MFGE8: variants seen among roughly 807,000 people sequenced by gnomAD.
MFGE8 encodes the protein lactadherin.
In MFGE8, 34 loss-of-function variants were observed where a neutral mutation model predicts 42.6. The observed-to-expected ratio is 0.80, with a 90% CI of 0.61 to 1.06. The LOEUF is 1.06. MFGE8 is among the 50% of genes least tolerant of loss of function. MFGE8 has a pLI of 0.00. For missense variants in MFGE8, 510 were observed against 516.9 expected (o/e 0.99, Z 0.13); for synonymous variants, 230 against 214.8 (o/e 1.07, Z -0.62).
rs765818765 is a variant in MFGE8 at position 88,905,424 on chromosome 15, G to A, written c.685+333C>T. 4.8e-5 allele frequency: 25 copies of A among 517,636 alleles called. No homozygotes were observed. In the Middle Eastern group the frequency reaches 1.2e-3, roughly 24 times the overall value. 32.1% of individuals were successfully genotyped at this position (517,636 alleles called of 1,614,324 possible). A position where few individuals can be genotyped will look rare whatever the true frequency, so the allele number is the denominator to read the frequency against. On this transcript the variant is annotated intron_variant, in intron 5 of 7. Coordinates refer to ENST00000268150, the MANE Select transcript of MFGE8 (RefSeq NM_005928.4). This position sits in a 1 kb window ranked among gnomAD's most constrained non-coding sequence, Gnocchi z 6.6. ...CAAAACAGACAGATTCTCTGCCCTC[G>A]TAAAGCTGACATCTGCCAAACACAC... is the stretch of plus-strand genomic sequence containing the variant.
chr15:88,901,514 C>A, intron 6 of MFGE8, 37 bp downstream of exon 6: 2 of 1,031,784 alleles, frequency 1.9e-6, no homozygotes, highest in Non-Finnish European at 1.5e-6. Flanking sequence ...CTCATCCCAC[C>A]CAACCCCAGC....
rs948103991 is a variant in MFGE8, at chr15:88,906,088, A to G, written c.541-187T>C. The G allele has an allele frequency of 3.0e-6, 2 of 657,956 alleles. No individual in the cohort carries two copies. The highest frequency in any genetic ancestry group is 3.6e-5 in the African/African-American group (2 of 55,456). The allele number at this position is 657,956 out of a possible 1,614,324, so 40.8% of individuals were successfully genotyped here. A position where few individuals can be genotyped will look rare whatever the true frequency, so the allele number is the denominator to read the frequency against. On this transcript the variant is annotated intron_variant, in intron 4 of 7. Transcript: ENST00000268150. This position sits in a 1 kb window ranked among gnomAD's most constrained non-coding sequence, Gnocchi z 4.2. ...TTGGCCACCCCACGGCCCTCCACAA[A>G]GATTCTCCTCTCACTTTCCTTAATC...
chr15:88,912,113 A>G lies in MFGE8; in HGVS notation c.73+1134T>C, dbSNP rs576314200. The G allele has an allele frequency of 1.2e-4, 150 of 1,289,734 alleles. No individual in the cohort carries two copies. The African/African-American group carries it at 2.1e-3, about 18-fold the overall frequency. The allele number at this position is 1,289,734 out of a possible 1,614,324, so 79.9% of individuals were successfully genotyped here. ...GGAAAGGGAAAGGTGTACTCTACCC[A>G]GCCACGTTACCTGTGTGTAAGATAG... On this transcript the variant is annotated intron_variant, in intron 1 of 7. Transcript: ENST00000268150.
chr15:88,912,349 C>T (rs1234716396), intron 1 of MFGE8: 3 of 985,156 alleles, frequency 3.0e-6, no homozygotes, highest in African/African-American at 3.5e-5. Flanking sequence ...TTCCTGGGAG[C>T]TTGGAGCACT....
In MFGE8 at chr15:88,907,326, T is replaced by C. The variant is rs1898737187; in HGVS notation, c.256A>G (p.Ile86Val). The C allele has an allele frequency of 1.2e-6, 2 of 1,614,182 alleles. No individual in the cohort carries two copies. Among genetic ancestry groups the C allele is most frequent in the Non-Finnish European group, 1.7e-6 (2 of 1,180,024 alleles). ...GTCACACGCACAGACGAGGCGGCGA[T>C]CTGTGAGTTGGCAATGTTCCCATTC... is the stretch of plus-strand genomic sequence containing the variant. ...LENGNIANSQIAASSVRVTFL... is the reference protein window; with the variant it reads ...LENGNIANSQVAASSVRVTFL... Residue 86 changes from isoleucine to valine, a missense_variant, in exon 3 of 8, where the codon ATC becomes GTC. Coordinates refer to ENST00000268150, the MANE Select transcript of MFGE8 (RefSeq NM_005928.4).
At chr15:88,907,776 G>C (rs1461126225) in intron 2 of MFGE8, among the ~76,000 whole-genome samples, 1 of 151,996 alleles carries the variant, frequency 6.6e-6, no homozygotes, top group Non-Finnish European at 1.5e-5. Context: ...TCTGGTGCAG[G>C]GGTTAGACTG....
chr15:88,901,517 A>ACCCAAAAAGCAGGAC, intron 6 of MFGE8, 34 bp downstream of exon 6: 2 of 1,072,616 alleles, frequency 1.9e-6, no homozygotes, highest in South Asian at 1.2e-5. Flanking sequence ...ATCCCACCCA[A>ACCCAAAAAGCAGGAC]CCCCAGCCCC....
Position 88,899,735 on chromosome 15 carries a change from A to T in MFGE8, c.947T>A (p.Val316Glu). 2 of 1,614,188 alleles carry T rather than the reference A, an allele frequency of 1.2e-6. No homozygotes were observed. The highest frequency in any genetic ancestry group is 1.7e-6 in the Non-Finnish European group (2 of 1,180,016). ...ACTGTAGGCAACCTTGTAGGATGCC[A>T]CAAACTGGACAGAGCCAAAGTTACG... ...GARNFGSVQF[V>E]ASYKVAYSND... The change falls in exon 7 of 8, where the codon GTG becomes GAG. Residue 316 changes from valine to glutamate, a missense_variant. Coordinates refer to ENST00000268150, the MANE Select transcript of MFGE8 (RefSeq NM_005928.4). The surrounding 1 kb of genome is among the most constrained non-coding windows in gnomAD (Gnocchi z 6.8).
rs776874171 is a variant in MFGE8, at chr15:88,905,970, A to G, written c.541-69T>C. 6.6e-5 allele frequency: 104 copies of G among 1,582,762 alleles called. 1 individual carries two copies. The highest frequency in any genetic ancestry group is 8.7e-5 in the Non-Finnish European group (100 of 1,152,642). ...CAGTCCCCCTCCCTGGGGTTACCTC[A>G]TCTTCCTCTTCAGACCTGGGAGGCA... On this transcript the variant is annotated intron_variant, in intron 4 of 7. Coordinates refer to ENST00000268150, the MANE Select transcript of MFGE8 (RefSeq NM_005928.4). This position sits in a 1 kb window ranked among gnomAD's most constrained non-coding sequence, Gnocchi z 6.6.
intron 5 of MFGE8, 163 bp from the exon 6 acceptor site, chr15:88,901,898 G>A (rs1596191524): frequency 1.7e-5 from 12 of 708,402 alleles, no homozygotes; most frequent in Admixed American, 4.1e-5. Context: ...CCAACTGTGC[G>A]ACCTTCTCAC....
intron 6 of MFGE8, among the ~76,000 whole-genome samples, chr15:88,901,331 A>ATT (rs750760433): frequency 6.6e-6 from 1 of 151,290 alleles, no homozygotes; most frequent in Non-Finnish European, 1.5e-5. Flanking sequence ...ACACACACAC[A>ATT]CACATACACA....
chr15:88,901,195 TCACACATTCACACA>T (rs1224308231), intron 6 of MFGE8, among the ~76,000 whole-genome samples: 1 of 61,676 alleles, frequency 1.6e-5, no homozygotes, highest in Non-Finnish European at 3.5e-5. Flanking sequence ...ACACACACAT[TCACACATTCACACA>T]CACACATTCA....
At chr15:88,908,395 GACTATCCCCATACCCCACCACGCTC>G (rs1160584230) in intron 2 of MFGE8, among the ~76,000 whole-genome samples, 1 of 152,184 alleles carries the variant, frequency 6.6e-6, no homozygotes, top group African/African-American at 2.4e-5. Context: ...CTGCCTCCAA[GACTATCCCCATACCCCACCACGCTC>G]ACACCCTGAA....
In MFGE8 at chr15:88,909,810, C is replaced by T. The variant is rs748896084; in HGVS notation, c.187G>A (p.Gly63Ser). 8.1e-6 allele frequency: 13 copies of T among 1,614,212 alleles called. No homozygotes were observed. The highest frequency in any genetic ancestry group is 1.3e-5 in the African/African-American group (1 of 75,076). The change falls in exon 2 of 8, where the codon GGC becomes AGC. Residue 63 changes from glycine to serine, a missense_variant. Transcript: ENST00000268150. ...YTCTCLKGYA[G>S]NHCETKCVEP... The stretch of plus-strand genomic sequence containing the variant: ...TACTCACTCGTCTCACAGTGGTTGC[C>T]CGCGTAGCCCTTAAGGCACGTGCAG...
intron 1 of MFGE8, chr15:88,910,330 T>C (rs759388657): frequency 3.0e-5 from 10 of 328,936 alleles, no homozygotes; most frequent in Non-Finnish European, 5.9e-5. Flanking sequence ...GCAGGGGCAG[T>C]GGAAGGAAGC....
At chr15:88,913,078 C>T in intron 1 of MFGE8, 169 bp downstream of exon 1, 2 of 985,404 alleles carry the variant, frequency 2.0e-6, no homozygotes, top group Non-Finnish European at 2.4e-6. Context: ...AGGGCCGCAT[C>T]CCCCTGTCCC....
Position 88,906,502 on chromosome 15 carries a change from C to T in MFGE8, c.540+124G>A. 1 of 1,135,860 alleles carries T rather than the reference C, an allele frequency of 8.8e-7. No individual in the cohort carries two copies. Among genetic ancestry groups the T allele is most frequent in the Non-Finnish European group, 1.3e-6 (1 of 750,730 alleles). The allele number at this position is 1,135,860 out of a possible 1,614,324, so 70.4% of individuals were successfully genotyped here. A position where few individuals can be genotyped will look rare whatever the true frequency, so the allele number is the denominator to read the frequency against. ...CCCAATTTCTAGAAGCCAAGATGCACCCGAAGACCCACATCATAGCCAATC... is the reference window on the plus strand; with the variant it reads ...CCCAATTTCTAGAAGCCAAGATGCATCCGAAGACCCACATCATAGCCAATC... On this transcript the variant is annotated intron_variant, in intron 4 of 7. Transcript: ENST00000268150. The surrounding 1 kb of genome is among the most constrained non-coding windows in gnomAD (Gnocchi z 4.2).
chr15:88,901,703 T>C lies in MFGE8; in HGVS notation c.718A>G (p.Ser240Gly), dbSNP rs752246830. 2.5e-6 allele frequency: 4 copies of C among 1,613,190 alleles called. No individual in the cohort carries two copies. The East Asian group carries it at 8.9e-5, about 36-fold the overall frequency. The change falls in exon 6 of 8, where the codon AGC becomes GGC. Residue 240 changes from serine to glycine, a missense_variant. Coordinates refer to ENST00000268150, the MANE Select transcript of MFGE8 (RefSeq NM_005928.4). The part of the protein sequence containing the change: ...CANPLGLKNN[S>G]IPDKQITASS... ...GCCGTGATCTGCTTGTCAGGGATGCTGTTATTCTTCAGGCCCAGGGGATTG... is the reference window on the plus strand; with the variant it reads ...GCCGTGATCTGCTTGTCAGGGATGCCGTTATTCTTCAGGCCCAGGGGATTG...
rs754732007 is a variant in MFGE8 at position 88,899,456 on chromosome 15, C to T, written c.1103G>A (p.Arg368His). ...FETPILARYV[R>H]ILPVAWHNRI... ...GTTGTGCCAGGCTACAGGCAGGATG[C>T]GCACATAGCGAGCCAGGATGGGCGT... The change falls in exon 8 of 8, where the codon CGC (arginine) becomes CAC (histidine). Residue 368 changes from arginine (R) to histidine (H), a missense_variant. Physicochemically the swap from Arg to His is conservative, Grantham distance 29. Transcript: ENST00000268150. This position sits in a 1 kb window ranked among gnomAD's most constrained non-coding sequence, Gnocchi z 6.8. 12 of 1,614,082 alleles carry T rather than the reference C, an allele frequency of 7.4e-6. No individual in the cohort carries two copies. The highest frequency in any genetic ancestry group is 4.4e-5 in the South Asian group (4 of 91,086).
Sources: gnomAD v4.1 joint callset for allele counts (sites outside exome capture counted in the v4.1 genomes callset) on GRCh38, gnomAD v4.1.1 for gene constraint, Gnocchi (gnomAD v3.1) non-coding constraint, MANE v1.5 for transcripts, NCBI Gene and HGNC (gene_info 2026-07-23, HGNC 2026-07-21) for gene names.